Variants in GRID2 observed in about 807,000 individuals in gnomAD.
The protein encoded by GRID2 is glutamate ionotropic receptor delta type subunit 2, also known as glutamate receptor ionotropic, delta-2.
In GRID2, 33 loss-of-function variants were observed where a neutral mutation model predicts 114.8. That is an observed-to-expected ratio of 0.29 (90% CI 0.22 to 0.38). GRID2 has a LOEUF of 0.38. Ranked by LOEUF, GRID2 falls within the 10% of genes least tolerant of loss-of-function variation. The pLI, the probability that GRID2 is intolerant of heterozygous loss-of-function variation, is 1.00. For missense variants in GRID2, 1,184 were observed against 1,257.7 expected, an observed-to-expected ratio of 0.94 and a Z score of 0.89; for synonymous variants, 505 against 449.9, an observed-to-expected ratio of 1.12 and a Z score of -1.55.
chr4:92,917,196 G>T (rs1319403480), intron 2 of GRID2, among the ~76,000 whole-genome samples: 5 of 151,882 alleles, frequency 3.3e-5, no homozygotes, highest in South Asian at 2.1e-4. Flanking sequence ...CGCCCACGTG[G>T]TGATGGGGTT....
At chr4:93,625,329 C>T (rs1270839335) in intron 13 of GRID2, among the ~76,000 whole-genome samples, 2 of 152,182 alleles carry the variant, frequency 1.3e-5, no homozygotes, top group Non-Finnish European at 2.9e-5. Flanking sequence ...ACATGGCTTC[C>T]TTTCATGCAT....
chr4:93,240,617 T>C (rs1278344135), intron 8 of GRID2, among the ~76,000 whole-genome samples: 1 of 151,520 alleles, frequency 6.6e-6, no homozygotes, highest in Non-Finnish European at 1.5e-5. Context: ...CTATGAATTT[T>C]CATCCTTATT....
chr4:92,483,175 C>A (rs1359614810), intron 1 of GRID2, among the ~76,000 whole-genome samples: 1 of 151,978 alleles, frequency 6.6e-6, no homozygotes, highest in Non-Finnish European at 1.5e-5. Context: ...CTGTCTCTAG[C>A]AGAAAATACA....
intron 2 of GRID2, among the ~76,000 whole-genome samples, chr4:92,922,241 C>CT (rs201914623): frequency 0.015 from 2,262 of 152,258 alleles, 20 homozygotes; most frequent in East Asian, 0.054. Context: ...CAGGTGCCAT[C>CT]GTCACCCCTT....
chr4:93,112,177 T>C (rs1464209460), intron 4 of GRID2: 1 of 152,122 alleles, frequency 6.6e-6, no homozygotes, highest in African/African-American at 2.4e-5. Context: ...AAAATTGCAA[T>C]AGAGGCGGTT....
At position 92,821,540 on chromosome 4, in the gene GRID2, T is replaced by A. The variant is rs116427167; in HGVS notation, c.244+231254T>A. 1.8e-3 allele frequency among the ~76,000 whole-genome samples: 269 copies of A among 152,256 alleles called. 1 individual carries two copies. The highest frequency in any genetic ancestry group is 6.1e-3 in the African/African-American group (253 of 41,552). The stretch of plus-strand genomic sequence containing the variant: ...GGTAATTGATCTTGATTTCAGTTAA[T>A]ACCCTGGAGTTACATAAACAGAAAT... On this transcript the variant is annotated intron_variant, in intron 2 of 15. Coordinates refer to ENST00000282020, the MANE Select transcript of GRID2 (RefSeq NM_001510.4).
chr4:93,678,117 C>T (rs1725100146), intron 14 of GRID2, among the ~76,000 whole-genome samples: 1 of 152,244 alleles, frequency 6.6e-6, no homozygotes, highest in Non-Finnish European at 1.5e-5. Context: ...GGCTCGAGAA[C>T]TGCATGAAGA....
intron 1 of GRID2, among the ~76,000 whole-genome samples, chr4:92,328,652 G>T (rs1253580433): frequency 6.6e-6 from 1 of 151,990 alleles, no homozygotes; most frequent in African/African-American, 2.4e-5. Context: ...TTATGCCCGT[G>T]ATCACAAACA....
intron 1 of GRID2, among the ~76,000 whole-genome samples, chr4:92,420,019 T>C (rs1731820287): frequency 1.3e-5 from 2 of 152,166 alleles, no homozygotes; most frequent in Admixed American, 1.3e-4. Flanking sequence ...AGAACAAATA[T>C]ATAGTCTTGA....
chr4:93,334,704 A>G (rs2870697), intron 8 of GRID2, among the ~76,000 whole-genome samples: 105,521 of 152,104 alleles, frequency 0.69, 37,606 homozygotes, highest in African/African-American at 0.86. Context: ...TGAGGCAGGC[A>G]GATCACCTGA....
intron 14 of GRID2, among the ~76,000 whole-genome samples, chr4:93,750,803 T>G (rs1164450250): frequency 2.0e-5 from 3 of 152,152 alleles, no homozygotes; most frequent in Non-Finnish European, 4.4e-5. Context: ...ACACATTTTA[T>G]AAGAGTTAGG....
intron 2 of GRID2, among the ~76,000 whole-genome samples, chr4:92,716,673 A>G (rs1448024147): frequency 6.6e-6 from 1 of 152,136 alleles, no homozygotes; most frequent in African/African-American, 2.4e-5. Context: ...ATATTATTTG[A>G]CATTACAGCA....
At chr4:92,860,308 A>G (rs376155278) in intron 2 of GRID2, among the ~76,000 whole-genome samples, 1 of 152,146 alleles carries the variant, frequency 6.6e-6, no homozygotes, top group East Asian at 1.9e-4. Flanking sequence ...TTTTGTTAAC[A>G]TCAATTTTAC....
intron 2 of GRID2, among the ~76,000 whole-genome samples, chr4:92,708,664 G>T (rs563204718): frequency 6.6e-6 from 1 of 152,236 alleles, no homozygotes; most frequent in East Asian, 1.9e-4. Flanking sequence ...CTGATTTTCA[G>T]TTGAATACTT....
At chr4:93,528,514 T>G (rs1731146686) in intron 13 of GRID2, among the ~76,000 whole-genome samples, 2 of 152,100 alleles carry the variant, frequency 1.3e-5, no homozygotes, top group African/African-American at 4.8e-5. Flanking sequence ...ATCTAAATTC[T>G]ATTTTAGTAT....
intron 2 of GRID2, among the ~76,000 whole-genome samples, chr4:92,676,597 T>G (rs750393095): frequency 1.8e-4 from 27 of 152,320 alleles, no homozygotes; most frequent in Middle Eastern, 6.8e-3. Context: ...ATGGACTTAA[T>G]TTAAGCTCCA....
Position 93,223,134 on chromosome 4 carries a change from C to A in GRID2, c.964-1480C>A, listed in dbSNP as rs560385701. Among the ~76,000 whole-genome samples, 6 of 152,174 alleles carry A rather than the reference C, an allele frequency of 3.9e-5. No homozygotes were observed. In the South Asian group the frequency reaches 8.3e-4, roughly 21 times the overall value. ...TTGGGTCTTTACTGCCTAATTCCAA[C>A]CTGAATGTTGATTCATGGACTAGTT... On this transcript the variant is annotated intron_variant, in intron 6 of 15. Transcript: ENST00000282020.
chr4:92,572,236 C>T (rs1727662609), intron 1 of GRID2, among the ~76,000 whole-genome samples: 1 of 152,172 alleles, frequency 6.6e-6, no homozygotes, highest in South Asian at 2.1e-4. Flanking sequence ...AAACTACCAT[C>T]AGATAATACT....
chr4:92,865,899 CATCGTT>C (rs1298052397), intron 2 of GRID2, among the ~76,000 whole-genome samples: 5 of 152,116 alleles, frequency 3.3e-5, no homozygotes, highest in African/African-American at 1.2e-4. Flanking sequence ...AAAATACAAA[CATCGTT>C]ATCATATACT....
Sources: allele counts gnomAD v4.1 joint callset (sites outside exome capture counted in the v4.1 genomes callset), GRCh38; gene constraint gnomAD v4.1.1; transcripts MANE v1.5; gene names NCBI Gene and HGNC (gene_info 2026-07-23, HGNC 2026-07-21).